Variants in WDR45B observed in about 807,000 individuals in gnomAD.
The protein encoded by WDR45B is WD repeat domain 45B.
A neutral mutation model predicts 44.6 loss-of-function variants in WDR45B; 20 were observed. That is an observed-to-expected ratio of 0.45 (90% confidence interval 0.32 to 0.65). The LOEUF (loss-of-function observed/expected upper bound fraction) is 0.65, where lower values mean the gene tolerates loss of function less well. Among genes scored for constraint, WDR45B ranks in the 30% least tolerant of loss-of-function variants. The pLI is 0.05. For synonymous variants in WDR45B, 169 were observed against 164.9 expected (o/e 1.02, Z -0.19); for missense variants, 323 against 430.2 (o/e 0.75, Z 2.20).
At chr17:82,637,453 A>G (rs1352828522) in intron 2 of WDR45B, among the ~76,000 whole-genome samples, 1 of 151,978 alleles carries the variant, frequency 6.6e-6, no homozygotes, top group Non-Finnish European at 1.5e-5. Flanking sequence ...AGCAAACCCC[A>G]GCTGGTCTTC....
intron 8 of WDR45B, 23 bp from the exon 9 acceptor site, chr17:82,616,668 G>C: frequency 6.2e-7 from 1 of 1,613,998 alleles, no homozygotes; most frequent in Non-Finnish European, 8.5e-7. Flanking sequence ...GAAAAGAAAG[G>C]GTGGTTCAAA....
Position 82,621,625 on chromosome 17 carries a change from G to T in WDR45B, c.602C>A (p.Ala201Glu). 6.2e-7 allele frequency: 1 copy of T among 1,614,230 alleles called. No homozygotes were observed. The highest frequency in any genetic ancestry group is 8.5e-7 in the Non-Finnish European group (1 of 1,180,042). Residue 201 changes from alanine to glutamate, a missense_variant, in exon 6 of 10, where the codon GCA becomes GAA. Ala to Glu is a moderately radical substitution (Grantham distance 107). Coordinates refer to ENST00000392325, the MANE Select transcript of WDR45B (RefSeq NM_019613.4). ...IALNLQGTRI[A>E]TASEKGTLIR... is the part of the protein sequence containing the mutation. ...CACACTTACTTTCTCGGATGCAGTT[G>T]CAATTCTTGTTCCCTGCAGGTTGAG...
chr17:82,630,964 A>G lies in WDR45B; in HGVS notation c.201T>C (p.Ala67=). Residue 67 remains alanine, a synonymous_variant, in exon 3 of 10, where the codon GCT becomes GCC. Coordinates refer to ENST00000392325, the MANE Select transcript of WDR45B (RefSeq NM_019613.4). ...TCGGCTTTTTTCCACCACCAACTAA[A>G]GCTAAATAGTTGCAGCGAAATAACA... is the stretch of plus-strand genomic sequence containing the variant. ...VEMLFRCNYL[A]LVGGGKKPKY... The G allele has an allele frequency of 6.2e-6, 10 of 1,613,336 alleles. No individual in the cohort carries two copies. Among genetic ancestry groups the G allele is most frequent in the Non-Finnish European group, 8.5e-6 (10 of 1,180,028 alleles).
intron 9 of WDR45B, 145 bp downstream of exon 9, chr17:82,616,379 G>T: frequency 1.5e-6 from 2 of 1,312,672 alleles, no homozygotes; most frequent in Non-Finnish European, 1.1e-6. Flanking sequence ...GACACACTGA[G>T]CCCACAGGAG....
At chr17:82,618,836 C>T (rs1158625560) in intron 7 of WDR45B, among the ~76,000 whole-genome samples, 1 of 152,198 alleles carries the variant, frequency 6.6e-6, no homozygotes, top group Non-Finnish European at 1.5e-5. Flanking sequence ...ATTCTTTCTA[C>T]TTCTGTGTAA....
intron 5 of WDR45B, among the ~76,000 whole-genome samples, chr17:82,624,429 G>C (rs543343846): frequency 6.6e-6 from 1 of 151,218 alleles, no homozygotes; most frequent in Non-Finnish European, 1.5e-5. Context: ...ATCCAGCTAA[G>C]TTTTGTATGT....
intron 2 of WDR45B, among the ~76,000 whole-genome samples, chr17:82,642,819 CCA>C (rs1479820782): frequency 6.6e-6 from 1 of 152,060 alleles, no homozygotes; most frequent in Admixed American, 6.6e-5. Context: ...GGGGTTTTTC[CCA>C]CACAGCTGCT....
chr17:82,640,419 C>T (rs554435754), intron 2 of WDR45B, among the ~76,000 whole-genome samples: 16 of 150,938 alleles, frequency 1.1e-4, no homozygotes, highest in South Asian at 4.2e-4. Flanking sequence ...GGCGAGATCT[C>T]GGCTCACTGC....
intron 2 of WDR45B, among the ~76,000 whole-genome samples, chr17:82,633,132 C>T (rs1026286733): frequency 8.9e-4 from 131 of 147,250 alleles, no homozygotes; most frequent in Middle Eastern, 6.9e-3. Context: ...CACTGCACTC[C>T]AGCCTGGGCG....
intron 5 of WDR45B, among the ~76,000 whole-genome samples, chr17:82,623,354 TC>T (rs1368430769): frequency 1.8e-4 from 25 of 136,908 alleles, no homozygotes; most frequent in Non-Finnish European, 9.1e-5. Flanking sequence ...ACCACTGCAC[TC>T]CAGCCTGGGC....
intron 3 of WDR45B, 50 bp from the exon 4 acceptor site, chr17:82,627,341 G>A (rs2045711338): frequency 2.7e-6 from 4 of 1,475,578 alleles, no homozygotes; most frequent in Non-Finnish European, 2.8e-6. Context: ...AGGCCATGGC[G>A]CTGGGATGCA....
intron 8 of WDR45B, among the ~76,000 whole-genome samples, chr17:82,617,067 T>A (rs2045547074): frequency 6.6e-6 from 1 of 152,190 alleles, no homozygotes; most frequent in Non-Finnish European, 1.5e-5. Context: ...TCTGCCCACC[T>A]CGGCCTCCCA....
At chr17:82,631,264 G>A (rs1181285993) in intron 2 of WDR45B, among the ~76,000 whole-genome samples, 5 of 148,430 alleles carry the variant, frequency 3.4e-5, no homozygotes, top group African/African-American at 1.2e-4. Context: ...AAGTAGCTGG[G>A]AATACAGGAC....
chr17:82,632,681 C>T (rs1258851207), intron 2 of WDR45B, among the ~76,000 whole-genome samples: 1 of 152,116 alleles, frequency 6.6e-6, no homozygotes, highest in Non-Finnish European at 1.5e-5. Context: ...TCTCTCCAGT[C>T]ACAGCTGCAC....
At chr17:82,621,929 A>G (rs2045624437) in intron 5 of WDR45B, 130 bp from the exon 6 acceptor site, 1 of 1,086,168 alleles carries the variant, frequency 9.2e-7, no homozygotes, top group Admixed American at 2.1e-5. Context: ...CCACAAATTC[A>G]ATTTAAAGAT....
Position 82,614,676 on chromosome 17 carries a change from T to G in WDR45B, c.*1243A>C, listed in dbSNP as rs1244518097. The G allele has an allele frequency of 6.6e-6, 1 of 152,654 alleles. No individual in the cohort carries two copies. The highest frequency in any genetic ancestry group is 1.5e-5 in the Non-Finnish European group (1 of 68,048). 9.5% of individuals were successfully genotyped at this position (152,654 alleles called of 1,614,324 possible). A position where few individuals can be genotyped will look rare whatever the true frequency, so the allele number is the denominator to read the frequency against. ...ACACATGAAAGGAACATGCATACTTTACAGCAACATCCACAGAGAATTAGC... is the reference window on the plus strand; with the variant it reads ...ACACATGAAAGGAACATGCATACTTGACAGCAACATCCACAGAGAATTAGC... On this transcript the variant is annotated 3_prime_UTR_variant, in exon 10 of 10. Transcript: ENST00000392325.
intron 2 of WDR45B, among the ~76,000 whole-genome samples, chr17:82,632,296 G>A (rs1456424123): frequency 6.6e-6 from 1 of 151,768 alleles, no homozygotes; most frequent in East Asian, 1.9e-4. Context: ...CGAGTAGCTG[G>A]GACTACAGGC....
chr17:82,638,763 T>C (rs1208862889), intron 2 of WDR45B, among the ~76,000 whole-genome samples: 1 of 152,116 alleles, frequency 6.6e-6, no homozygotes, highest in African/African-American at 2.4e-5. Flanking sequence ...ATAAAAATTA[T>C]GCATCATTTC....
intron 1 of WDR45B, among the ~76,000 whole-genome samples, chr17:82,645,491 C>T (rs935995789): frequency 2.0e-5 from 3 of 151,936 alleles, no homozygotes; most frequent in African/African-American, 4.8e-5. Context: ...TACACAGCCA[C>T]CAAAATGACC....
Sources: allele counts gnomAD v4.1 joint callset (sites outside exome capture counted in the v4.1 genomes callset), GRCh38; gene constraint gnomAD v4.1.1; transcripts MANE v1.5; gene names NCBI Gene and HGNC (gene_info 2026-07-23, HGNC 2026-07-21).